Variants in SV2C observed in about 807,000 individuals in gnomAD.
SV2C encodes synaptic vesicle glycoprotein 2C.
SV2C carries 49 observed loss-of-function variants against 79.7 expected under a neutral mutation model. The observed-to-expected ratio is 0.61, with a 90% CI of 0.49 to 0.78. The LOEUF (loss-of-function observed/expected upper bound fraction) is 0.78. Ranked by LOEUF, SV2C falls within the 30% of genes least tolerant of loss-of-function variation. The pLI, the probability that SV2C is intolerant of heterozygous loss-of-function variation, is 0.00. For missense variants in SV2C, 833 were observed against 912.9 expected, an observed-to-expected ratio of 0.91 and a Z score of 1.13; for synonymous variants, 334 against 333.2, an observed-to-expected ratio of 1.00 and a Z score of -0.03.
intron 4 of SV2C, among the ~76,000 whole-genome samples, chr5:76,227,539 A>G (rs1745290435): frequency 6.6e-6 from 1 of 152,160 alleles, no homozygotes; most frequent in South Asian, 2.1e-4. Context: ...AAAATAATAA[A>G]TATGTTTCTT....
At chr5:75,852,339 CAA>C in the SV2C span, among the ~76,000 whole-genome samples, 1 of 151,822 alleles carries the variant, frequency 6.6e-6, no homozygotes, top group Non-Finnish European at 1.5e-5. Flanking sequence ...CAATTTACCC[CAA>C]GTTAAATAAA....
chr5:76,004,787 G>C, the SV2C span, among the ~76,000 whole-genome samples: 1 of 152,162 alleles, frequency 6.6e-6, no homozygotes, highest in Admixed American at 6.6e-5. Flanking sequence ...TAGGAAACAA[G>C]TTTAGAAAAG....
chr5:76,157,784 C>T (rs1348574536), intron 2 of SV2C, among the ~76,000 whole-genome samples: 2 of 151,738 alleles, frequency 1.3e-5, no homozygotes, highest in Middle Eastern at 3.4e-3. Context: ...TATTTGTTCT[C>T]CTTTCTTCAC....
intron 1 of SV2C, among the ~76,000 whole-genome samples, chr5:76,086,851 A>G (rs1169715885): frequency 6.6e-6 from 1 of 152,222 alleles, no homozygotes; most frequent in Non-Finnish European, 1.5e-5. Flanking sequence ...CTAAAACACA[A>G]TTTTATTTTA....
chr5:76,037,619 G>T, the SV2C span, among the ~76,000 whole-genome samples: 1 of 152,170 alleles, frequency 6.6e-6, no homozygotes, highest in Admixed American at 6.5e-5. Context: ...ATCTCCAGCT[G>T]CGTGCTGGGA....
chr5:76,007,510 A>T, the SV2C span, among the ~76,000 whole-genome samples: 3 of 152,108 alleles, frequency 2.0e-5, no homozygotes, highest in Non-Finnish European at 4.4e-5. Flanking sequence ...TTCAATAAAC[A>T]TTGGCACTCT....
intron 1 of SV2C, among the ~76,000 whole-genome samples, chr5:76,121,798 A>G (rs1355418449): frequency 6.6e-6 from 1 of 151,772 alleles, no homozygotes; most frequent in Non-Finnish European, 1.5e-5. Context: ...GAAGTCAGGT[A>G]GCGTGATGCC....
the SV2C span, among the ~76,000 whole-genome samples, chr5:76,013,583 T>A: frequency 6.6e-6 from 1 of 152,200 alleles, no homozygotes; most frequent in Non-Finnish European, 1.5e-5. Flanking sequence ...CTCTTCCTAT[T>A]TGGATACGCT....
chr5:75,972,356 A>C, the SV2C span, among the ~76,000 whole-genome samples: 9 of 152,248 alleles, frequency 5.9e-5, no homozygotes, highest in South Asian at 1.9e-3. Context: ...GAGCTTCTGC[A>C]CAGCAAAAGA....
intron 2 of SV2C, among the ~76,000 whole-genome samples, chr5:76,156,324 C>T (rs1246412460): frequency 6.6e-6 from 1 of 152,128 alleles, no homozygotes; most frequent in Admixed American, 6.5e-5. Context: ...ACATCAGAGG[C>T]TTCATTCTAT....
intron 4 of SV2C, among the ~76,000 whole-genome samples, chr5:76,259,777 C>T (rs1746404368): frequency 6.6e-6 from 1 of 152,166 alleles, no homozygotes; most frequent in Non-Finnish European, 1.5e-5. Context: ...AGGACATGAA[C>T]TCATTCTGTT....
At chr5:75,865,359 T>A in the SV2C span, among the ~76,000 whole-genome samples, 1 of 152,164 alleles carries the variant, frequency 6.6e-6, no homozygotes, top group Non-Finnish European at 1.5e-5. Flanking sequence ...TCAGTGCCAC[T>A]CATGTCAATG....
chr5:76,191,542 T>TA (rs1351867816), intron 2 of SV2C, among the ~76,000 whole-genome samples: 1 of 152,188 alleles, frequency 6.6e-6, no homozygotes, highest in East Asian at 1.9e-4. Flanking sequence ...AAATATGGTT[T>TA]AAAATGGTGT....
chr5:75,914,964 G>A, the SV2C span, among the ~76,000 whole-genome samples: 2 of 152,206 alleles, frequency 1.3e-5, no homozygotes, highest in African/African-American at 2.4e-5. Context: ...CACATCTCAT[G>A]TGGTGGCAGA....
intron 4 of SV2C, among the ~76,000 whole-genome samples, chr5:76,271,523 T>C (rs757834449): frequency 2.0e-5 from 3 of 152,136 alleles, no homozygotes; most frequent in Non-Finnish European, 4.4e-5. Flanking sequence ...CACAATCTTT[T>C]GGAGCATACG....
At chr5:76,338,275 C>T (rs1038449794), downstream of SV2C, among the ~76,000 whole-genome samples, 6 of 152,258 alleles carry the variant, frequency 3.9e-5, no homozygotes, top group Non-Finnish European at 5.9e-5. Context: ...TGCCTTCAGC[C>T]ATATTTCTGC....
chr5:76,305,696 T>G (rs951236455), intron 12 of SV2C, among the ~76,000 whole-genome samples: 6 of 152,216 alleles, frequency 3.9e-5, no homozygotes, highest in Non-Finnish European at 7.4e-5. Flanking sequence ...AATAGCACTT[T>G]TCTGTGCCAA....
the SV2C span, among the ~76,000 whole-genome samples, chr5:75,855,101 T>C: frequency 1.3e-5 from 2 of 152,172 alleles, no homozygotes; most frequent in Non-Finnish European, 2.9e-5. Context: ...GACTATTCTA[T>C]ATCTTTTGCA....
Position 76,129,371 on chromosome 5 carries a change from G to A in SV2C, c.-101-2279G>A, listed in dbSNP as rs180707287. ...AACTTACCTGAGCTTCGATTTGGGGGATGAGAAATCTTGAAAGACAAAAAG... is the reference window on the plus strand; with the variant it reads ...AACTTACCTGAGCTTCGATTTGGGGAATGAGAAATCTTGAAAGACAAAAAG... On this transcript the variant is annotated intron_variant, in intron 1 of 12. Coordinates refer to ENST00000502798, the MANE Select transcript of SV2C (RefSeq NM_014979.4). Among the ~76,000 whole-genome samples, 41 of 152,336 alleles carry A rather than the reference G, an allele frequency of 2.7e-4. 1 individual carries two copies. In the South Asian group the frequency reaches 3.5e-3, roughly 13 times the overall value.
Sources: gnomAD v4.1 joint callset for allele counts (sites outside exome capture counted in the v4.1 genomes callset) on GRCh38, gnomAD v4.1.1 for gene constraint, MANE v1.5 for transcripts, NCBI Gene and HGNC (gene_info 2026-07-23, HGNC 2026-07-21) for gene names.